The following ZNF91 variants were observed in gnomAD, a reference collection of about 807,000 sequenced individuals.
ZNF91 encodes the protein zinc finger protein 91 (HPF7, HTF10).
ZNF91 carries 7 observed loss-of-function variants against 12.6 expected under a neutral mutation model. The ratio of observed to expected loss-of-function variants is 0.55; its 90% confidence interval spans 0.31 to 1.04. The LOEUF (loss-of-function observed/expected upper bound fraction) is 1.04, where lower values mean the gene tolerates loss of function less well. ZNF91 is among the 50% of genes least tolerant of loss of function. ZNF91 has a pLI of 0.05. For missense variants in ZNF91, 1,217 were observed against 1,385.4 expected, an observed-to-expected ratio of 0.88 and a Z score of 1.93; for synonymous variants, 453 against 462.6, an observed-to-expected ratio of 0.98 and a Z score of 0.27.
chr19:23,340,477 C>T (rs1161332992), intron 3 of ZNF91, among the ~76,000 whole-genome samples: 4 of 151,970 alleles, frequency 2.6e-5, no homozygotes, highest in East Asian at 3.9e-4. Flanking sequence ...AAGATAGAGT[C>T]GGGAAGAAAT....
chr19:23,363,144 T>C (rs1235323085), intron 3 of ZNF91, among the ~76,000 whole-genome samples: 1 of 152,214 alleles, frequency 6.6e-6, no homozygotes, highest in Non-Finnish European at 1.5e-5. Context: ...TCTGTTAAAT[T>C]TACTTGACAC....
upstream of ZNF91, among the ~76,000 whole-genome samples, chr19:23,312,817 T>C (rs1290328823): frequency 4.6e-5 from 7 of 152,322 alleles, no homozygotes; most frequent in East Asian, 1.4e-3. Flanking sequence ...GGGTGATACA[T>C]AGGTGAGATT....
chr19:23,359,938 C>T lies in ZNF91; in HGVS notation c.3041G>A (p.Arg1014Lys), dbSNP rs754741408. ...GTATGGTTTCTCTCCAGTGTGCATC[C>T]TCGTATGTCTAGTTAGGGTTGAGGA... is the stretch of plus-strand genomic sequence containing the variant. The part of the protein sequence containing the change: ...SQSSTLTRHT[R>K]MHTGEKPYKC... Residue 1014 changes from arginine to lysine, a missense_variant, in exon 4 of 4, where the codon AGG (arginine) becomes AAG (lysine). Physicochemically the swap from Arg to Lys is conservative, Grantham distance 26. Coordinates refer to ENST00000300619, the MANE Select transcript of ZNF91 (RefSeq NM_003430.4). The T allele has an allele frequency of 3.1e-6, 5 of 1,610,524 alleles. No individual in the cohort carries two copies. Among genetic ancestry groups the T allele is most frequent in the East Asian group, 2.2e-5 (1 of 44,608 alleles).
At chr19:23,394,254 A>G (rs1970158846) in intron 1 of ZNF91, among the ~76,000 whole-genome samples, 1 of 152,180 alleles carries the variant, frequency 6.6e-6, no homozygotes, top group Admixed American at 6.5e-5. Context: ...ATTAAGTGGC[A>G]GGCAATTAGA....
chr19:23,352,670 A>G (rs1313448028), intron 3 of ZNF91, among the ~76,000 whole-genome samples: 5 of 152,242 alleles, frequency 3.3e-5, no homozygotes, highest in Admixed American at 1.3e-4. Context: ...ACAGAACTGC[A>G]GAATGAATAA....
intron 1 of ZNF91, among the ~76,000 whole-genome samples, chr19:23,376,657 G>C (rs1969514305): frequency 6.6e-6 from 1 of 152,080 alleles, no homozygotes; most frequent in Non-Finnish European, 1.5e-5. Context: ...CCAAAGTGCT[G>C]GGATTACAGA....
At chr19:23,364,388 T>C (rs1204988948) in intron 3 of ZNF91, among the ~76,000 whole-genome samples, 1 of 152,108 alleles carries the variant, frequency 6.6e-6, no homozygotes, top group Admixed American at 6.6e-5. Context: ...GTGGTTGTGG[T>C]GAGCCGAGAT....
rs765980352 is a variant in ZNF91 at position 23,361,140 on chromosome 19, C to G, written c.1839G>C (p.Trp613Cys). The G allele has an allele frequency of 5.0e-6, 8 of 1,610,126 alleles. No homozygotes were observed. In the Admixed American group the frequency reaches 5.0e-5, roughly 10 times the overall value. ...TCTTATGTCTTCTTAGGGTTGAGGA[C>G]CATAGAAATGCTTTGCCACATTCTT... ...KCEECGKAFL[W>C]SSTLRRHKRI... is the part of the protein sequence containing the mutation. The change falls in exon 4 of 4, where the codon TGG becomes TGC. Residue 613 changes from tryptophan (W) to cysteine (C), a missense_variant. Trp to Cys is a radical substitution (Grantham distance 215, BLOSUM62 -2). Around this residue, in one of 2 missense-constraint regions of ZNF91, gnomAD observed 726 missense variants for 895.5 expected, o/e 0.81. Coordinates refer to ENST00000300619, the MANE Select transcript of ZNF91 (RefSeq NM_003430.4).
chr19:23,336,249 T>TG (rs1284344126), downstream of ZNF91, among the ~76,000 whole-genome samples: 3 of 152,148 alleles, frequency 2.0e-5, no homozygotes, highest in Non-Finnish European at 2.9e-5. Flanking sequence ...CAGAAAAACT[T>TG]GGTTTAGGAG....
At position 23,362,439 on chromosome 19, in the gene ZNF91, T is replaced by C. The variant is rs905534213; in HGVS notation, c.540A>G (p.Lys180=). The C allele has an allele frequency of 6.8e-6, 11 of 1,613,810 alleles. No individual in the cohort carries two copies. In the African/African-American group the frequency reaches 1.2e-4, roughly 18 times the overall value. The part of the protein sequence containing the change: ...NRHTIRHTGK[K]CFKCKKCVKS... ...TGACACATTTTTTACATTTGAAGCA[T>C]TTCTTTCCAGTATGTCTTATCGTAT... Residue 180 remains lysine, a synonymous_variant, in exon 4 of 4, where the codon AAA becomes AAG. Coordinates refer to ENST00000300619, the MANE Select transcript of ZNF91 (RefSeq NM_003430.4).
chr19:23,373,976 A>C (rs1457634305), intron 2 of ZNF91, 139 bp from the exon 3 acceptor site: 1 of 441,810 alleles, frequency 2.3e-6, no homozygotes, highest in African/African-American at 2.1e-5. Context: ...GAAATGTTTA[A>C]ATATTTAGAA....
chr19:23,351,882 G>C (rs368309164), intron 3 of ZNF91, among the ~76,000 whole-genome samples: 2 of 152,164 alleles, frequency 1.3e-5, no homozygotes, highest in African/African-American at 4.8e-5. Flanking sequence ...GCAGTAGGGA[G>C]GCCCTGGGAG....
chr19:23,329,127 CTTCT>C lies in ZNF91; in HGVS notation n.117-20034_117-20031del, dbSNP rs1012183266. ...TAAATGGCTTTCTCCTATTCTTTTCCTTCTTTCAATTTTTTGATACTAAAATGCA... is the reference window on the plus strand; with the variant it reads ...TAAATGGCTTTCTCCTATTCTTTTCCTTCAATTTTTTGATACTAAAATGCA... On this transcript the variant is annotated intron_variant and non_coding_transcript_variant, in intron 1 of 1. Coordinates refer to the ZNF91 transcript ENST00000596528. The C allele has an allele frequency of 9.0e-4, 137 of 152,172 alleles. 1 individual carries two copies. The highest frequency in any genetic ancestry group is 3.2e-3 in the African/African-American group (134 of 41,524). The allele number at this position is 152,172 out of a possible 1,614,324, so 9.4% of individuals were successfully genotyped here.
chr19:23,335,726 G>A (rs149989148), downstream of ZNF91, among the ~76,000 whole-genome samples: 79 of 152,206 alleles, frequency 5.2e-4, no homozygotes, highest in African/African-American at 1.6e-3. Flanking sequence ...CATCTGTCAC[G>A]GCTTCCCTTG....
At position 23,359,485 on chromosome 19, in the gene ZNF91, A is replaced by C. The variant is rs1365880553; in HGVS notation, c.3494T>G (p.Leu1165Arg). The change falls in exon 4 of 4, where the codon CTT becomes CGT. Residue 1165 changes from leucine (L) to arginine (R), a missense_variant. By Grantham distance (102) the Leu-to-Arg change is moderately radical. Transcript: ENST00000300619. ...TGATCCGCCCGCCTCGGCCTCCCAA[A>C]GTAGTGGGATTACAGGTGTGATAGT... ...IHTITPVIPL[L>R]WEAEAGGSRG... The C allele has an allele frequency of 6.8e-6, 11 of 1,609,376 alleles. No individual in the cohort carries two copies. Among genetic ancestry groups the C allele is most frequent in the Admixed American group, 6.7e-5 (4 of 59,944 alleles).
At chr19:23,392,997 T>C (rs1054730344) in intron 1 of ZNF91, among the ~76,000 whole-genome samples, 3 of 152,132 alleles carry the variant, frequency 2.0e-5, no homozygotes, top group African/African-American at 7.2e-5. Flanking sequence ...CTCAGGCACA[T>C]TATACTCTGC....
At position 23,368,452 on chromosome 19, in the gene ZNF91, T is replaced by C. The variant is rs1478456197; in HGVS notation, c.253+5290A>G. Among the ~76,000 whole-genome samples, 7 of 149,574 alleles carry C rather than the reference T, an allele frequency of 4.7e-5. No individual in the cohort carries two copies. The East Asian group carries it at 1.4e-3, about 30-fold the overall frequency. ...ATTGCTTGAACCCAGGAGGTGGGGG[T>C]TGCAGTGAGCCAAGATCACACCATT... On this transcript the variant is annotated intron_variant, in intron 3 of 3. Coordinates refer to ENST00000300619, the MANE Select transcript of ZNF91 (RefSeq NM_003430.4).
chr19:23,313,412 G>A (rs1967502018), upstream of ZNF91, among the ~76,000 whole-genome samples: 1 of 152,232 alleles, frequency 6.6e-6, no homozygotes, highest in African/African-American at 2.4e-5. Context: ...CCAGCACCTA[G>A]CTGATGTGAC....
At chr19:23,341,433 T>G (rs1245813664) in intron 3 of ZNF91, among the ~76,000 whole-genome samples, 2 of 152,200 alleles carry the variant, frequency 1.3e-5, no homozygotes, top group Admixed American at 1.3e-4. Flanking sequence ...ATACGTATAC[T>G]TGCACATTTA....
Sources: allele counts gnomAD v4.1 joint callset (sites outside exome capture counted in the v4.1 genomes callset), GRCh38; gene constraint gnomAD v4.1.1; regional missense constraint gnomAD v4.1.1; transcripts MANE v1.5; gene names NCBI Gene and HGNC (gene_info 2026-07-23, HGNC 2026-07-21).